Variants in ATXN7L1 observed in about 807,000 individuals in gnomAD.
The protein encoded by ATXN7L1 is ataxin 7 like 1, also known as ataxin-7-like protein 1.
Under a neutral mutation model 70.8 loss-of-function variants are expected in ATXN7L1, and 15 were observed. The ratio of observed to expected loss-of-function variants is 0.21; its 90% confidence interval spans 0.14 to 0.33. The LOEUF is 0.33. Among genes scored for constraint, ATXN7L1 ranks in the 10% least tolerant of loss-of-function variants. ATXN7L1 has a pLI of 1.00. For missense variants in ATXN7L1, 975 were observed against 1,097.1 expected, an observed-to-expected ratio of 0.89 and a Z score of 1.57; for synonymous variants, 440 against 445.1, an observed-to-expected ratio of 0.99 and a Z score of 0.14.
At chr7:105,625,298 T>G (rs575799325) in intron 7 of ATXN7L1, among the ~76,000 whole-genome samples, 1 of 152,366 alleles carries the variant, frequency 6.6e-6, no homozygotes, top group South Asian at 2.1e-4. Context: ...TCGCCCAGGC[T>G]GGAGTACAGT....
chr7:105,655,290 C>T (rs1800444938), intron 4 of ATXN7L1, among the ~76,000 whole-genome samples: 2 of 152,214 alleles, frequency 1.3e-5, no homozygotes, highest in South Asian at 4.1e-4. Context: ...CCCCCACATG[C>T]TTCAATATTC....
intron 2 of ATXN7L1, among the ~76,000 whole-genome samples, chr7:105,806,116 C>G (rs997943774): frequency 6.6e-6 from 1 of 151,992 alleles, no homozygotes; most frequent in African/African-American, 2.4e-5. Flanking sequence ...CTTGGCCTAC[C>G]AGGAAGAGGG....
chr7:105,769,336 A>G (rs980672967), intron 3 of ATXN7L1, among the ~76,000 whole-genome samples: 3 of 152,116 alleles, frequency 2.0e-5, no homozygotes, highest in African/African-American at 7.2e-5. Flanking sequence ...AAGCGTGACC[A>G]TGCCAGTCTA....
intron 3 of ATXN7L1, among the ~76,000 whole-genome samples, chr7:105,693,482 T>A (rs1584750698): frequency 6.6e-6 from 1 of 152,170 alleles, no homozygotes; most frequent in East Asian, 1.9e-4. Context: ...TGAGCTACTG[T>A]GTCTGACCGA....
intron 3 of ATXN7L1, among the ~76,000 whole-genome samples, chr7:105,733,645 T>C (rs1584871682): frequency 1.2e-4 from 16 of 131,980 alleles, no homozygotes; most frequent in African/African-American, 4.2e-4. Context: ...CATCCATCCA[T>C]CCATCCATCC....
intron 8 of ATXN7L1, 100 bp from the exon 9 acceptor site, chr7:105,620,421 A>C (rs563250908): frequency 2.0e-5 from 25 of 1,279,910 alleles, no homozygotes; most frequent in Non-Finnish European, 2.3e-5. Context: ...ACAAGGGCAC[A>C]GTTTTACTCA....
At chr7:105,715,281 A>C (rs1049376677) in intron 3 of ATXN7L1, among the ~76,000 whole-genome samples, 7 of 152,196 alleles carry the variant, frequency 4.6e-5, no homozygotes, top group African/African-American at 1.7e-4. Context: ...CACCTTCCTC[A>C]TGTGGAGAAT....
chr7:105,637,854 C>T (rs951754002), intron 7 of ATXN7L1, among the ~76,000 whole-genome samples: 5 of 152,060 alleles, frequency 3.3e-5, no homozygotes, highest in African/African-American at 9.7e-5. Flanking sequence ...GATAGGAGAG[C>T]GTGCAAAACA....
chr7:105,795,536 G>C (rs1215018212), intron 2 of ATXN7L1, among the ~76,000 whole-genome samples: 1 of 152,146 alleles, frequency 6.6e-6, no homozygotes, highest in Non-Finnish European at 1.5e-5. Flanking sequence ...ACCTTCCAAG[G>C]CTCGAGACTT....
intron 3 of ATXN7L1, among the ~76,000 whole-genome samples, chr7:105,759,225 G>A (rs574361760): frequency 7.5e-5 from 11 of 146,674 alleles, no homozygotes; most frequent in African/African-American, 2.8e-4. Context: ...ATGGGTTGAT[G>A]AATGTTGATA....
intron 2 of ATXN7L1, among the ~76,000 whole-genome samples, chr7:105,836,174 TG>T (rs1812343145): frequency 6.6e-6 from 1 of 152,128 alleles, no homozygotes; most frequent in Non-Finnish European, 1.5e-5. Context: ...CACTGGGCTA[TG>T]GGGGACCAGA....
chr7:105,631,841 C>T (rs1402265960), intron 7 of ATXN7L1, among the ~76,000 whole-genome samples: 6 of 152,188 alleles, frequency 3.9e-5, no homozygotes, highest in Non-Finnish European at 8.8e-5. Flanking sequence ...ATTCTAGACA[C>T]GGGGCCATCA....
intron 2 of ATXN7L1, among the ~76,000 whole-genome samples, chr7:105,835,118 T>G (rs1812167328): frequency 7.2e-6 from 1 of 139,694 alleles, no homozygotes; most frequent in South Asian, 2.3e-4. Flanking sequence ...GTGGAAGCTG[T>G]TTTTTTTTTT....
intron 3 of ATXN7L1, among the ~76,000 whole-genome samples, chr7:105,698,376 A>AT (rs1158333957): frequency 6.6e-6 from 1 of 152,088 alleles, no homozygotes; most frequent in Non-Finnish European, 1.5e-5. Flanking sequence ...TTAAAAATAA[A>AT]TTTTTTGAGA....
chr7:105,811,647 G>C (rs1159035274), intron 2 of ATXN7L1, among the ~76,000 whole-genome samples: 1 of 152,160 alleles, frequency 6.6e-6, no homozygotes, highest in Non-Finnish European at 1.5e-5. Context: ...ATAGCCATGG[G>C]GCTGGATGAG....
chr7:105,801,671 T>G (rs1314795217), intron 2 of ATXN7L1, among the ~76,000 whole-genome samples: 12 of 152,194 alleles, frequency 7.9e-5, no homozygotes, highest in African/African-American at 2.9e-4. Context: ...CACCTCTACT[T>G]GTGAGCTCTT....
chr7:105,752,697 C>T (rs1799350283), intron 3 of ATXN7L1, among the ~76,000 whole-genome samples: 2 of 152,168 alleles, frequency 1.3e-5, no homozygotes, highest in South Asian at 2.1e-4. Context: ...TTTTTCATCG[C>T]AAGAAGAGCA....
chr7:105,687,159 C>T (rs184245327), intron 3 of ATXN7L1, among the ~76,000 whole-genome samples: 38 of 152,266 alleles, frequency 2.5e-4, no homozygotes, highest in African/African-American at 7.5e-4. Flanking sequence ...TGACTATGCA[C>T]CCACACAGAG....
intron 2 of ATXN7L1, among the ~76,000 whole-genome samples, chr7:105,810,738 G>A (rs184672774): frequency 2.0e-5 from 3 of 152,344 alleles, no homozygotes; most frequent in Admixed American, 6.5e-5. Flanking sequence ...GATGGCATGG[G>A]GGCGGCGGAA....
Sources: gnomAD v4.1 joint callset for allele counts (sites outside exome capture counted in the v4.1 genomes callset) on GRCh38, gnomAD v4.1.1 for gene constraint, MANE v1.5 for transcripts, NCBI Gene and HGNC (gene_info 2026-07-23, HGNC 2026-07-21) for gene names.